CDK15: variants seen among roughly 807,000 people sequenced by gnomAD.
CDK15 encodes cyclin-dependent kinase 15.
CDK15 carries 62 observed loss-of-function variants against 60.3 expected under a neutral mutation model. The ratio of observed to expected loss-of-function variants is 1.03; its 90% CI spans 0.84 to 1.27. The LOEUF is 1.27. Ranked by LOEUF, CDK15 falls within the 50% of genes most tolerant of loss-of-function variation. The pLI is 0.00. For missense variants in CDK15, 541 were observed against 527.8 expected (o/e 1.03, Z -0.25); for synonymous variants, 194 against 195.7 (o/e 0.99, Z 0.07).
intron 10 of CDK15, chr2:201,860,962 GTC>G: frequency 8.1e-7 from 1 of 1,238,304 alleles, no homozygotes; most frequent in Admixed American, 2.5e-5. Context: ...TTCTGAGCAA[GTC>G]TCTGTGTTTG....
chr2:201,834,948 A>G (rs934962543), intron 7 of CDK15, among the ~76,000 whole-genome samples: 1 of 152,208 alleles, frequency 6.6e-6, no homozygotes, highest in Non-Finnish European at 1.5e-5. Context: ...CAGCTGACTG[A>G]CAGAAAGACT....
chr2:201,883,780 G>T (rs1485361144), intron 12 of CDK15, among the ~76,000 whole-genome samples: 2 of 152,214 alleles, frequency 1.3e-5, no homozygotes, highest in East Asian at 3.9e-4. Context: ...TGTGGTCCTC[G>T]TGGCTGAGCC....
intron 12 of CDK15, chr2:201,888,646 C>T: frequency 7.3e-7 from 1 of 1,374,980 alleles, no homozygotes; most frequent in Non-Finnish European, 9.3e-7. Context: ...GAGAGTCTGG[C>T]AGTCCACAGC....
At chr2:201,826,097 A>C (rs1405774279) in intron 6 of CDK15, among the ~76,000 whole-genome samples, 1 of 152,240 alleles carries the variant, frequency 6.6e-6, no homozygotes, top group Non-Finnish European at 1.5e-5. Context: ...CTTGTGTAGA[A>C]TATCAAGAAA....
Position 201,807,585 on chromosome 2 carries a change from G to A in CDK15, c.215G>A (p.Arg72Lys). The change falls in exon 2 of 14, where the codon AGG (arginine) becomes AAG (lysine). Residue 72 changes from arginine to lysine, a missense_variant. By Grantham distance (26) the Arg-to-Lys change is conservative (BLOSUM62 2). Coordinates refer to ENST00000652192, the MANE Select transcript of CDK15 (RefSeq NM_001366386.2). ...CGTGCCCAGAAGTTCAAGAGTAAAA[G>A]GCCACGGAGTAACAGTGATTGTTTT... is the stretch of plus-strand genomic sequence containing the variant. ...AARAQKFKSK[R>K]PRSNSDCFQE... is the part of the protein sequence containing the mutation. 6.2e-7 allele frequency: 1 copy of A among 1,614,200 alleles called. No homozygotes were observed. Among genetic ancestry groups the A allele is most frequent in the African/African-American group, 1.3e-5 (1 of 75,054 alleles).
chr2:201,816,319 G>T (rs1695989275), intron 4 of CDK15, among the ~76,000 whole-genome samples: 1 of 151,930 alleles, frequency 6.6e-6, no homozygotes. Context: ...CCCATCTTAT[G>T]TCTGTGTGTT....
At chr2:201,878,079 A>C (rs1699146410) in intron 11 of CDK15, among the ~76,000 whole-genome samples, 2 of 152,174 alleles carry the variant, frequency 1.3e-5, no homozygotes, top group African/African-American at 2.4e-5. Context: ...GTGGTGTCTC[A>C]TGGCCATACA....
rs147943459 is a variant in CDK15 at position 201,855,977 on chromosome 2, C to G, written c.1009+1040C>G. 6.8e-3 allele frequency among the ~76,000 whole-genome samples: 1,030 copies of G among 152,202 alleles called. 13 individuals carry two copies. The highest frequency in any genetic ancestry group is 0.024 in the African/African-American group (993 of 41,530). ...AAGTAGCTGGGACTACAGGCACCCGCCACCATGCCCAGCTAATTTTTTGTA... is the reference window on the plus strand; with the variant it reads ...AAGTAGCTGGGACTACAGGCACCCGGCACCATGCCCAGCTAATTTTTTGTA... On this transcript the variant is annotated intron_variant, in intron 10 of 13. Transcript: ENST00000652192.
chr2:201,864,393 C>T (rs1698524698), intron 10 of CDK15, among the ~76,000 whole-genome samples: 1 of 152,244 alleles, frequency 6.6e-6, no homozygotes, highest in African/African-American at 2.4e-5. Context: ...TCTTGGCTCA[C>T]TGCAACCTCC....
chr2:201,854,703 G>T, intron 9 of CDK15, 171 bp from the exon 10 acceptor site: 2 of 599,694 alleles, frequency 3.3e-6, no homozygotes, highest in Admixed American at 2.9e-5. Flanking sequence ...AACCACAAAC[G>T]TTGGAAACAC....
chr2:201,877,464 C>T (rs1032495559), intron 11 of CDK15, among the ~76,000 whole-genome samples: 4 of 152,182 alleles, frequency 2.6e-5, no homozygotes, highest in African/African-American at 9.7e-5. Flanking sequence ...AAGCATGAAG[C>T]CTGCAGAAAG....
intron 8 of CDK15, among the ~76,000 whole-genome samples, chr2:201,842,638 C>T (rs1470572118): frequency 6.6e-6 from 1 of 151,934 alleles, no homozygotes; most frequent in Non-Finnish European, 1.5e-5. Context: ...TTTTTTTTCT[C>T]CAGGGACTGC....
At chr2:201,865,428 A>G (rs917505525) in intron 10 of CDK15, among the ~76,000 whole-genome samples, 4 of 152,198 alleles carry the variant, frequency 2.6e-5, no homozygotes, top group African/African-American at 9.6e-5. Context: ...AACAGGCTTT[A>G]GCGGATGGGA....
At chr2:201,890,180 C>A (rs181143824) in intron 12 of CDK15, among the ~76,000 whole-genome samples, 2 of 152,294 alleles carry the variant, frequency 1.3e-5, no homozygotes, top group East Asian at 3.9e-4. Flanking sequence ...AACTAACGTC[C>A]GGACTCCTTG....
intron 10 of CDK15, chr2:201,861,298 G>T (rs1698381869): frequency 3.0e-6 from 3 of 992,386 alleles, no homozygotes; most frequent in African/African-American, 3.5e-5. Context: ...ATCGATGCTG[G>T]GTGGAGTAGC....
intron 9 of CDK15, among the ~76,000 whole-genome samples, chr2:201,848,226 G>C (rs1245596988): frequency 6.6e-6 from 1 of 152,100 alleles, no homozygotes; most frequent in Non-Finnish European, 1.5e-5. Context: ...AAGTGTCAAG[G>C]TGCCTTTGTG....
chr2:201,822,292 G>A (rs1407622293), intron 4 of CDK15, among the ~76,000 whole-genome samples: 1 of 152,282 alleles, frequency 6.6e-6, no homozygotes, highest in African/African-American at 2.4e-5. Context: ...TCTCTATCAT[G>A]TTTCAACAGT....
intron 6 of CDK15, chr2:201,824,805 G>T: frequency 1.5e-6 from 1 of 675,836 alleles, no homozygotes. Flanking sequence ...AACACCCTCA[G>T]CCATCTGAAG....
Position 201,833,880 on chromosome 2 carries a change from G to A in CDK15, c.639G>A (p.Ala213=), listed in dbSNP as rs764608407. 92 of 1,613,672 alleles carry A rather than the reference G, an allele frequency of 5.7e-5. No individual in the cohort carries two copies. The highest frequency in any genetic ancestry group is 3.2e-4 in the South Asian group (29 of 91,042). The change falls in exon 7 of 14, where the codon GCG becomes GCA. Residue 213 remains alanine (A), a synonymous_variant. Coordinates refer to ENST00000652192, the MANE Select transcript of CDK15 (RefSeq NM_001366386.2). ...LFMFQLLRGL[A]YIHHQHVLHR... is the part of the protein sequence containing the mutation. ...TGTTTCAACTTTTGCGGGGCCTGGC[G>A]TACATCCACCACCAACACGTTCTTC... is the stretch of plus-strand genomic sequence containing the variant.
Sources: allele counts gnomAD v4.1 joint callset (sites outside exome capture counted in the v4.1 genomes callset), GRCh38; gene constraint gnomAD v4.1.1; transcripts MANE v1.5; gene names NCBI Gene and HGNC (gene_info 2026-07-23, HGNC 2026-07-21).